The following PKHD1 variants were observed in gnomAD, a reference collection of about 807,000 sequenced individuals.
The protein encoded by PKHD1 is PKHD1 ciliary IPT domain containing fibrocystin/polyductin, also known as fibrocystin.
PKHD1 carries 291 observed loss-of-function variants against 412.0 expected under a neutral mutation model. That is an observed-to-expected ratio of 0.71 (90% confidence interval 0.64 to 0.78). The LOEUF is 0.78. Ranked by LOEUF, PKHD1 falls within the 30% of genes least tolerant of loss-of-function variation. PKHD1 has a pLI of 0.00. For synonymous variants in PKHD1, 1,777 were observed against 1,821.5 expected (o/e 0.98, Z 0.62); for missense variants, 4,825 against 4,950.7 (o/e 0.97, Z 0.76).
chr6:51,931,145 A>T (rs535398326), intron 37 of PKHD1, among the ~76,000 whole-genome samples: 1 of 152,226 alleles, frequency 6.6e-6, no homozygotes, highest in East Asian at 1.9e-4. Flanking sequence ...CACTTGAACC[A>T]GTGTTTCTCT....
intron 53 of PKHD1, 64 bp from the exon 54 acceptor site, chr6:51,775,985 T>C (rs1049189151): frequency 7.3e-6 from 6 of 819,680 alleles, no homozygotes; most frequent in East Asian, 4.9e-5. Flanking sequence ...GAGGGAGAAA[T>C]TGCAGTATAA....
At chr6:51,879,135 A>T (rs1359255819) in intron 46 of PKHD1, among the ~76,000 whole-genome samples, 1 of 70,452 alleles carries the variant, frequency 1.4e-5, no homozygotes, top group African/African-American at 6.7e-5. Flanking sequence ...AAATGGAAGA[A>T]CATTCCATGC....
At chr6:51,802,202 A>G (rs2151329023) in intron 52 of PKHD1, among the ~76,000 whole-genome samples, 1 of 147,184 alleles carries the variant, frequency 6.8e-6, no homozygotes, top group Non-Finnish European at 1.5e-5. Context: ...ACCAAGGTCT[A>G]TAGTTGTCAC....
chr6:51,851,029 G>A (rs187109320), intron 49 of PKHD1, among the ~76,000 whole-genome samples: 1 of 152,064 alleles, frequency 6.6e-6, no homozygotes, highest in African/African-American at 2.4e-5. Context: ...ATTTGTTGTG[G>A]GTTGGTCATA....
At chr6:52,026,546 T>A (rs1802215740) in intron 31 of PKHD1, among the ~76,000 whole-genome samples, 1 of 152,220 alleles carries the variant, frequency 6.6e-6, no homozygotes. Flanking sequence ...TATTATCCTG[T>A]ATGCTATATA....
chr6:52,071,806 T>G (rs1562284373), intron 8 of PKHD1, among the ~76,000 whole-genome samples: 1 of 152,108 alleles, frequency 6.6e-6, no homozygotes, highest in Non-Finnish European at 1.5e-5. Context: ...CCATACATAC[T>G]CCCAAGATTA....
chr6:51,960,318 A>G (rs1325428383), intron 35 of PKHD1, among the ~76,000 whole-genome samples: 2 of 152,092 alleles, frequency 1.3e-5, no homozygotes, highest in African/African-American at 4.8e-5. Context: ...AGCCCCTGGA[A>G]TTCTCCAATA....
At chr6:51,778,663 T>C (rs998923150) in intron 53 of PKHD1, among the ~76,000 whole-genome samples, 3 of 152,122 alleles carry the variant, frequency 2.0e-5, no homozygotes, top group African/African-American at 7.2e-5. Context: ...ATAATCATTA[T>C]AATTATTTGG....
At chr6:51,980,827 A>G (rs1270401561) in intron 35 of PKHD1, among the ~76,000 whole-genome samples, 1 of 152,248 alleles carries the variant, frequency 6.6e-6, no homozygotes, top group Non-Finnish European at 1.5e-5. Flanking sequence ...GATCCCTATT[A>G]TAACCCTTTA....
chr6:52,060,485 A>C (rs895947418), intron 14 of PKHD1, among the ~76,000 whole-genome samples: 7 of 152,244 alleles, frequency 4.6e-5, no homozygotes, highest in African/African-American at 1.7e-4. Flanking sequence ...TTCTAATTAA[A>C]AATATTATGA....
chr6:51,721,450 GAAAT>G (rs1285177536), intron 60 of PKHD1: 2 of 731,294 alleles, frequency 2.7e-6, no homozygotes, highest in Admixed American at 6.3e-5. Context: ...AAAGAAGAGA[GAAAT>G]AAAATAAGGC....
chr6:51,741,087 C>T, intron 60 of PKHD1: 1 of 518,558 alleles, frequency 1.9e-6, no homozygotes, highest in South Asian at 1.4e-5. Context: ...TCATGTTTGA[C>T]AGCCATGGTA....
chr6:51,859,521 G>A (rs1000609158), intron 48 of PKHD1, among the ~76,000 whole-genome samples: 9 of 30,648 alleles, frequency 2.9e-4, no homozygotes, highest in Admixed American at 2.0e-3. Context: ...GCGAGATTCC[G>A]TCCCAAAAAA....
intron 60 of PKHD1, among the ~76,000 whole-genome samples, chr6:51,691,240 C>T (rs1228706004): frequency 3.3e-5 from 5 of 152,072 alleles, no homozygotes; most frequent in African/African-American, 4.8e-5. Flanking sequence ...TTGTGGAAGA[C>T]AGTGTGGTAT....
chr6:51,955,180 C>T (rs950639267), intron 36 of PKHD1, among the ~76,000 whole-genome samples: 7 of 150,146 alleles, frequency 4.7e-5, no homozygotes, highest in Admixed American at 2.7e-4. Flanking sequence ...TTGTGTTTAA[C>T]GGTGCCCCTA....
intron 36 of PKHD1, among the ~76,000 whole-genome samples, chr6:51,943,037 G>A (rs1452313497): frequency 6.6e-6 from 1 of 151,596 alleles, no homozygotes; most frequent in Non-Finnish European, 1.5e-5. Flanking sequence ...CAGGGTCTAA[G>A]AAGGCCACCA....
chr6:52,033,919 A>G (rs2499477), intron 28 of PKHD1, among the ~76,000 whole-genome samples: 146,543 of 151,968 alleles, frequency 0.96, 70,898 homozygotes, highest in East Asian at 1. Context: ...ACCTGAGATC[A>G]GGAATTTGAG....
At chr6:51,732,104 G>T (rs1227388601) in intron 60 of PKHD1, among the ~76,000 whole-genome samples, 1 of 152,170 alleles carries the variant, frequency 6.6e-6, no homozygotes, top group East Asian at 1.9e-4. Context: ...ATATTAAAAT[G>T]ATGATTTTTA....
intron 60 of PKHD1, among the ~76,000 whole-genome samples, chr6:51,741,754 C>G (rs1480620199): frequency 6.6e-6 from 1 of 152,162 alleles, no homozygotes; most frequent in East Asian, 1.9e-4. Context: ...TATAGGATCG[C>G]CCCCCATTAA....
Sources: gnomAD v4.1 joint callset for allele counts (sites outside exome capture counted in the v4.1 genomes callset) on GRCh38, gnomAD v4.1.1 for gene constraint, MANE v1.5 for transcripts, NCBI Gene and HGNC (gene_info 2026-07-23, HGNC 2026-07-21) for gene names.